The following REV3L variants were observed in gnomAD, a reference collection of about 807,000 sequenced individuals.
The protein encoded by REV3L is REV3 like, DNA directed polymerase zeta catalytic subunit.
A neutral mutation model predicts 299.4 loss-of-function variants in REV3L; 69 were observed. That is an observed-to-expected ratio of 0.23 (90% CI 0.19 to 0.28). The LOEUF is 0.28. Ranked by LOEUF, REV3L falls within the 10% of genes least tolerant of loss-of-function variation. The probability of loss-of-function intolerance (pLI) is 1.00; values close to 1 mark genes in which losing one functional copy is unlikely to be tolerated. For missense variants in REV3L, 3,128 were observed against 3,693.8 expected, an observed-to-expected ratio of 0.85 and a Z score of 3.97; for synonymous variants, 1,238 against 1,271.4, an observed-to-expected ratio of 0.97 and a Z score of 0.56.
chr6:111,467,044 A>G (rs1478492373), intron 1 of REV3L, among the ~76,000 whole-genome samples: 2 of 152,350 alleles, frequency 1.3e-5, no homozygotes, highest in East Asian at 3.9e-4. Context: ...TATGTAAAGC[A>G]TGGTAAAAAA....
At chr6:111,405,928 AT>A (rs1272720996) in intron 3 of REV3L, among the ~76,000 whole-genome samples, 2 of 152,294 alleles carry the variant, frequency 1.3e-5, no homozygotes, top group East Asian at 3.9e-4. Flanking sequence ...TCTTTTAAAA[AT>A]AACAAATAAT....
At chr6:111,453,905 G>A (rs566306498) in intron 1 of REV3L, among the ~76,000 whole-genome samples, 6 of 152,288 alleles carry the variant, frequency 3.9e-5, no homozygotes, top group African/African-American at 1.4e-4. Flanking sequence ...AGAATGGCTT[G>A]AAGCTGGGAA....
intron 1 of REV3L, among the ~76,000 whole-genome samples, chr6:111,473,543 T>C (rs909642127): frequency 1.3e-5 from 2 of 152,080 alleles, no homozygotes; most frequent in Admixed American, 1.3e-4. Context: ...TCTTTTGTTT[T>C]CTTAAAGATA....
intron 1 of REV3L, among the ~76,000 whole-genome samples, chr6:111,470,658 A>T (rs1792087533): frequency 6.6e-6 from 1 of 152,208 alleles, no homozygotes; most frequent in African/African-American, 2.4e-5. Flanking sequence ...TAATTTGGAT[A>T]TCTTTCTAAT....
At chr6:111,451,113 T>C (rs1006566986) in intron 1 of REV3L, among the ~76,000 whole-genome samples, 1 of 152,084 alleles carries the variant, frequency 6.6e-6, no homozygotes, top group African/African-American at 2.4e-5. Flanking sequence ...AAGTTCTAAG[T>C]GTAAGAAGCC....
In REV3L at chr6:111,329,322, C is replaced by T. The variant is rs138594615; in HGVS notation, c.8241+210G>A. ...CCTCCCAAAGTGTTGGGATTACAGG[C>T]GTGAGCCACCATGCCTGGCCTTTTT... On this transcript the variant is annotated intron_variant, in intron 25 of 31. Transcript: ENST00000368802. 4.5e-3 allele frequency among the ~76,000 whole-genome samples: 680 copies of T among 150,144 alleles called. 29 individuals are homozygous for T. In the East Asian group the frequency reaches 0.078, roughly 17 times the overall value.
intron 1 of REV3L, among the ~76,000 whole-genome samples, chr6:111,478,493 T>C (rs907698057): frequency 6.6e-6 from 1 of 152,190 alleles, no homozygotes; most frequent in African/African-American, 2.4e-5. Flanking sequence ...TATATGATCT[T>C]AAAATATTTT....
At chr6:111,371,788 T>A (rs1406342739) in intron 13 of REV3L, among the ~76,000 whole-genome samples, 1 of 152,142 alleles carries the variant, frequency 6.6e-6, no homozygotes, top group Non-Finnish European at 1.5e-5. Flanking sequence ...GGTCTTGAAC[T>A]CCTGACCTCA....
chr6:111,315,463 ACT>A lies in REV3L; in HGVS notation c.8352-84_8352-83del, dbSNP rs1773416203. The A allele has an allele frequency of 1.7e-5, 17 of 1,000,776 alleles. No homozygotes were observed. The East Asian group carries it at 3.6e-4, about 21-fold the overall frequency. The allele number at this position is 1,000,776 out of a possible 1,614,324, so 62.0% of individuals were successfully genotyped here. The stretch of plus-strand genomic sequence containing the variant: ...ATCAAGAGTAACTTTCCTGGCTATG[ACT>A]CTTGTCTAATGCCAAAGAAAACTCC... On this transcript the variant is annotated intron_variant, in intron 26 of 31. Coordinates refer to ENST00000368802, the MANE Select transcript of REV3L (RefSeq NM_001372078.1).
At chr6:111,452,316 A>G (rs140445061) in intron 1 of REV3L, among the ~76,000 whole-genome samples, 109 of 152,310 alleles carry the variant, frequency 7.2e-4, no homozygotes, top group African/African-American at 2.5e-3. Flanking sequence ...CTTATGAAGT[A>G]AACTTACCAT....
At chr6:111,326,087 A>G (rs1373280113) in intron 25 of REV3L, among the ~76,000 whole-genome samples, 2 of 152,186 alleles carry the variant, frequency 1.3e-5, no homozygotes, top group African/African-American at 2.4e-5. Context: ...CATGTTTTGC[A>G]AATGACGGGA....
chr6:111,315,121 A>G, intron 27 of REV3L, 146 bp downstream of exon 27: 2 of 645,562 alleles, frequency 3.1e-6, no homozygotes, highest in Non-Finnish European at 5.2e-6. Context: ...AAGTGCCAGG[A>G]TTACAGACAT....
In REV3L at chr6:111,379,966, A is replaced by G. The variant is rs547473944; in HGVS notation, c.1454+16T>C. 8.1e-6 allele frequency: 12 copies of G among 1,481,066 alleles called. No homozygotes were observed. The African/African-American group carries it at 1.4e-4, about 17-fold the overall frequency. 91.7% of individuals were successfully genotyped at this position (1,481,066 alleles called of 1,614,324 possible). On this transcript the variant is annotated intron_variant, in intron 11 of 31. Transcript: ENST00000368802. ...GATAAAAGTTAATAAAACAACTGCAATAACTAAAAAATTACCTCTTTTTGG... is the reference window on the plus strand; with the variant it reads ...GATAAAAGTTAATAAAACAACTGCAGTAACTAAAAAATTACCTCTTTTTGG...
intron 14 of REV3L, among the ~76,000 whole-genome samples, chr6:111,366,191 T>C (rs1280126915): frequency 1.3e-5 from 2 of 152,030 alleles, no homozygotes; most frequent in African/African-American, 4.8e-5. Flanking sequence ...TATATATAAG[T>C]GTGTTGGGGA....
intron 10 of REV3L, among the ~76,000 whole-genome samples, chr6:111,380,738 CATT>C (rs1319160577): frequency 6.6e-6 from 1 of 152,212 alleles, no homozygotes; most frequent in East Asian, 1.9e-4. Context: ...ATTAAAATAA[CATT>C]GTTGTGTGCT....
intron 10 of REV3L, among the ~76,000 whole-genome samples, chr6:111,380,592 CA>C (rs1294052335): frequency 6.6e-6 from 1 of 152,086 alleles, no homozygotes; most frequent in Non-Finnish European, 1.5e-5. Flanking sequence ...TCAGATCACT[CA>C]GAATAAAATA....
At chr6:111,305,839 G>T (rs1430342549) in intron 31 of REV3L, among the ~76,000 whole-genome samples, 3 of 152,072 alleles carry the variant, frequency 2.0e-5, no homozygotes, top group Non-Finnish European at 4.4e-5. Flanking sequence ...AGAGTTGGCT[G>T]CTGCCATCAG....
intron 1 of REV3L, among the ~76,000 whole-genome samples, chr6:111,454,823 C>T (rs1441382371): frequency 5.3e-5 from 8 of 152,162 alleles, no homozygotes; most frequent in African/African-American, 1.4e-4. Flanking sequence ...TGTACCACCA[C>T]ACCTGGCTAA....
At chr6:111,318,928 C>T (rs1773829289) in intron 26 of REV3L, among the ~76,000 whole-genome samples, 1 of 151,960 alleles carries the variant, frequency 6.6e-6, no homozygotes, top group Non-Finnish European at 1.5e-5. Flanking sequence ...AACTAAGCTA[C>T]AGTAATAAAA....
Sources: gnomAD v4.1 joint callset for allele counts (sites outside exome capture counted in the v4.1 genomes callset) on GRCh38, gnomAD v4.1.1 for gene constraint, MANE v1.5 for transcripts, NCBI Gene and HGNC (gene_info 2026-07-23, HGNC 2026-07-21) for gene names.